Variants in ZBTB16 observed in about 807,000 individuals in gnomAD.
The protein encoded by ZBTB16 is zinc finger and BTB domain-containing protein 16.
Under a neutral mutation model 56.8 loss-of-function variants are expected in ZBTB16, and 8 were observed. That is an observed-to-expected ratio of 0.14 (90% CI 0.08 to 0.25). The LOEUF is 0.25. Ranked by LOEUF, ZBTB16 falls within the 10% of genes least tolerant of loss-of-function variation. The pLI is 1.00. For missense variants in ZBTB16, 625 were observed against 903.0 expected (o/e 0.69, Z 3.95); for synonymous variants, 363 against 368.5 (o/e 0.98, Z 0.17).
intron 2 of ZBTB16, among the ~76,000 whole-genome samples, chr11:114,122,148 G>T (rs1448600279): frequency 6.6e-6 from 1 of 152,220 alleles, no homozygotes; most frequent in Non-Finnish European, 1.5e-5. Context: ...CTTCCTGAAT[G>T]CACGCCCTGT....
chr11:114,130,714 A>G (rs1941637165), intron 2 of ZBTB16, among the ~76,000 whole-genome samples: 1 of 152,228 alleles, frequency 6.6e-6, no homozygotes, highest in Non-Finnish European at 1.5e-5. Context: ...CACTCTCCCA[A>G]CTGCTCCTAA....
rs1382408550 is a variant in ZBTB16, at chr11:114,255,613, A to G, written c.*5058A>G. 6.6e-6 allele frequency among the ~76,000 whole-genome samples: 1 copy of G among 151,516 alleles called. No individual in the cohort carries two copies. Among genetic ancestry groups the G allele is most frequent in the African/African-American group, 2.4e-5 (1 of 41,180 alleles). On this transcript the variant is annotated 3_prime_UTR_variant, in exon 7 of 7. Coordinates refer to ENST00000335953, the MANE Select transcript of ZBTB16 (RefSeq NM_006006.6). ...TCCTTATCTGTTCTAGTTCCGAAGC[A>G]GTTTCACTCGAAGTTGTGCAGTCCT...
intron 2 of ZBTB16, among the ~76,000 whole-genome samples, chr11:114,111,359 T>C (rs1267784920): frequency 6.6e-6 from 1 of 152,158 alleles, no homozygotes; most frequent in East Asian, 1.9e-4. Context: ...CTGTGCTCCT[T>C]AGATGGTTTA....
intron 2 of ZBTB16, among the ~76,000 whole-genome samples, chr11:114,088,526 G>T (rs1237843250): frequency 6.6e-6 from 1 of 152,270 alleles, no homozygotes; most frequent in South Asian, 2.1e-4. Context: ...ATCCTATTCA[G>T]TTATACAGCC....
intron 2 of ZBTB16, among the ~76,000 whole-genome samples, chr11:114,130,405 G>A (rs1941629058): frequency 6.6e-6 from 1 of 152,202 alleles, no homozygotes; most frequent in South Asian, 2.1e-4. Flanking sequence ...CATATTTCAG[G>A]TTAGTTGAGA....
At chr11:114,224,532 AAG>A (rs1944293939) in intron 4 of ZBTB16, among the ~76,000 whole-genome samples, 1 of 152,178 alleles carries the variant, frequency 6.6e-6, no homozygotes, top group Non-Finnish European at 1.5e-5. Context: ...TGGAATTCAG[AAG>A]AGAGAGACCC....
At chr11:114,189,097 T>C (rs1052893211) in intron 4 of ZBTB16, 1 of 152,204 alleles carries the variant, frequency 6.6e-6, no homozygotes, top group African/African-American at 2.4e-5. Context: ...ATCTGTCAAG[T>C]CTCTCAGCCC....
chr11:114,147,941 G>A (rs750699641), intron 2 of ZBTB16, among the ~76,000 whole-genome samples: 3 of 152,202 alleles, frequency 2.0e-5, no homozygotes, highest in Non-Finnish European at 4.4e-5. Flanking sequence ...CTATAGCCCA[G>A]TGCACAAATG....
At chr11:114,099,758 G>A (rs745567614) in intron 2 of ZBTB16, among the ~76,000 whole-genome samples, 1 of 152,188 alleles carries the variant, frequency 6.6e-6, no homozygotes, top group Non-Finnish European at 1.5e-5. Flanking sequence ...AAACAGAAGC[G>A]ATGATACAAC....
chr11:114,193,519 G>A (rs1943545156), intron 4 of ZBTB16, among the ~76,000 whole-genome samples: 1 of 152,200 alleles, frequency 6.6e-6, no homozygotes, highest in Non-Finnish European at 1.5e-5. Flanking sequence ...ACATGTGGCA[G>A]AGCTCATTCA....
intron 4 of ZBTB16, among the ~76,000 whole-genome samples, chr11:114,223,013 A>G (rs1424695359): frequency 1.3e-5 from 2 of 152,180 alleles, no homozygotes; most frequent in African/African-American, 4.8e-5. Context: ...AGTGTGCACC[A>G]GGAGACATCT....
intron 3 of ZBTB16, among the ~76,000 whole-genome samples, chr11:114,179,714 A>ATTTGAATTTTT (rs1192098843): frequency 6.7e-6 from 1 of 150,318 alleles, no homozygotes; most frequent in Non-Finnish European, 1.5e-5. Context: ...AGAGGGAGGG[A>ATTTGAATTTTT]TTTGAATTTT....
At chr11:114,201,702 G>A (rs957314621) in intron 4 of ZBTB16, among the ~76,000 whole-genome samples, 3 of 152,106 alleles carry the variant, frequency 2.0e-5, no homozygotes, top group Non-Finnish European at 4.4e-5. Context: ...TATATAGTGT[G>A]GTCCCATTTC....
At position 114,254,249 on chromosome 11, in the gene ZBTB16, G is replaced by A. The variant is rs1944963859; in HGVS notation, c.*3694G>A. ...TATCATTGCTGCTTTGGGCTGCTTT[G>A]GAGGAGGAGGCCATGAATATGGGGA... On this transcript the variant is annotated 3_prime_UTR_variant, in exon 7 of 7. Transcript: ENST00000335953. 6.6e-6 allele frequency among the ~76,000 whole-genome samples: 1 copy of A among 152,038 alleles called. No homozygotes were observed. The highest frequency in any genetic ancestry group is 1.5e-5 in the Non-Finnish European group (1 of 68,026).
chr11:114,194,241 A>G (rs528132232), intron 4 of ZBTB16, among the ~76,000 whole-genome samples: 19 of 152,364 alleles, frequency 1.2e-4, no homozygotes, highest in African/African-American at 4.3e-4. Context: ...GGCTTTGCAT[A>G]GGGCAGGTGG....
chr11:114,085,785 G>T (rs1939938546), intron 2 of ZBTB16, among the ~76,000 whole-genome samples: 1 of 152,128 alleles, frequency 6.6e-6, no homozygotes, highest in Admixed American at 6.5e-5. Flanking sequence ...ATGGGGCGAT[G>T]GGCATGGGGT....
chr11:114,076,397 C>T (rs968773760), intron 2 of ZBTB16, among the ~76,000 whole-genome samples: 3 of 152,288 alleles, frequency 2.0e-5, no homozygotes, highest in South Asian at 4.1e-4. Flanking sequence ...GGCAAGTTCT[C>T]ACCTCCTCGT....
In ZBTB16 at chr11:114,144,188, A is replaced by G. The variant is rs992916344; in HGVS notation, c.1269-12149A>G. The stretch of plus-strand genomic sequence containing the variant: ...CTGTGTGTTTGCCAGACACACACAC[A>G]CACACACACACACACACACACACAC... On this transcript the variant is annotated intron_variant, in intron 2 of 6. Transcript: ENST00000335953. Among the ~76,000 whole-genome samples, 11 of 151,132 alleles carry G rather than the reference A, an allele frequency of 7.3e-5. No homozygotes were observed. In the South Asian group the frequency reaches 2.1e-3, roughly 29 times the overall value.
chr11:114,236,767 C>T (rs1020053661), intron 4 of ZBTB16, among the ~76,000 whole-genome samples: 1 of 152,170 alleles, frequency 6.6e-6, no homozygotes, highest in Non-Finnish European at 1.5e-5. Context: ...GTGCCTACTC[C>T]ATATCAGGCT....
Sources: allele counts gnomAD v4.1 joint callset (sites outside exome capture counted in the v4.1 genomes callset), GRCh38; gene constraint gnomAD v4.1.1; transcripts MANE v1.5; gene names NCBI Gene and HGNC (gene_info 2026-07-23, HGNC 2026-07-21).